Variants in KIF13B observed in about 807,000 individuals in gnomAD.
KIF13B encodes kinesin family member 13B, also known as kinesin-like protein KIF13B.
In KIF13B, 127 loss-of-function variants were observed where a neutral mutation model predicts 222.0. That is an observed-to-expected ratio of 0.57 (90% CI 0.50 to 0.66). KIF13B has a LOEUF of 0.66. Ranked by LOEUF, KIF13B falls within the 30% of genes least tolerant of loss-of-function variation. The pLI, the probability that KIF13B is intolerant of heterozygous loss-of-function variation, is 0.00. For synonymous variants in KIF13B, 976 were observed against 919.0 expected (o/e 1.06, Z -1.12); for missense variants, 2,173 against 2,379.0 (o/e 0.91, Z 1.80).
chr8:29,206,847 C>A (rs182455397), intron 2 of KIF13B, among the ~76,000 whole-genome samples: 3 of 151,356 alleles, frequency 2.0e-5, no homozygotes, highest in Non-Finnish European at 4.4e-5. Context: ...ATGGGGTTTG[C>A]GGAAGTGGAA....
chr8:29,236,952 T>G (rs1216171178), intron 2 of KIF13B, among the ~76,000 whole-genome samples: 1 of 152,098 alleles, frequency 6.6e-6, no homozygotes, highest in South Asian at 2.1e-4. Flanking sequence ...TATAGATACA[T>G]CATGTAAAAA....
chr8:29,103,824 C>G (rs1808916154), intron 35 of KIF13B, among the ~76,000 whole-genome samples: 1 of 152,034 alleles, frequency 6.6e-6, no homozygotes, highest in East Asian at 1.9e-4. Context: ...CTCGGGGACC[C>G]CAAGGAACCA....
At chr8:29,075,682 T>C (rs1807524469) in intron 37 of KIF13B, among the ~76,000 whole-genome samples, 2 of 152,136 alleles carry the variant, frequency 1.3e-5, no homozygotes, top group South Asian at 4.1e-4. Context: ...CAGAAAGACT[T>C]CCGGCAGGAG....
chr8:29,233,081 G>A (rs1815358008), intron 2 of KIF13B, among the ~76,000 whole-genome samples: 2 of 152,252 alleles, frequency 1.3e-5, no homozygotes, highest in African/African-American at 4.8e-5. Flanking sequence ...ACTTGAACCC[G>A]AGAGGTGGAG....
Position 29,177,575 on chromosome 8 carries a change from A to G in KIF13B, c.724T>C (p.Ser242Pro), listed in dbSNP as rs1812533598. The change falls in exon 9 of 40, where the codon TCT becomes CCT. Residue 242 changes from serine to proline, a missense_variant. Transcript: ENST00000524189. ...HTLYDVKSGTSGEKVGKLSLV... is the reference protein window; with the variant it reads ...HTLYDVKSGTPGEKVGKLSLV... ...CTGAGTTTGCCCACTTTCTCTCCAG[A>G]TGTCTACAAAGGAAATCAATCAATA... 6.2e-7 allele frequency: 1 copy of G among 1,606,350 alleles called. No individual in the cohort carries two copies. The highest frequency in any genetic ancestry group is 1.1e-5 in the South Asian group (1 of 90,928).
intron 18 of KIF13B, among the ~76,000 whole-genome samples, chr8:29,144,965 C>T (rs867032765): frequency 1.3e-5 from 2 of 152,148 alleles, no homozygotes; most frequent in East Asian, 1.9e-4. Context: ...AAAAGGGCTG[C>T]GGTCATGCTT....
intron 35 of KIF13B, among the ~76,000 whole-genome samples, chr8:29,102,500 G>A (rs974011562): frequency 6.6e-6 from 1 of 152,206 alleles, no homozygotes; most frequent in Admixed American, 6.5e-5. Context: ...CCATGCTCAG[G>A]GGCAAAGTGG....
intron 31 of KIF13B, among the ~76,000 whole-genome samples, chr8:29,115,140 G>C (rs1809533919): frequency 6.6e-6 from 1 of 151,990 alleles, no homozygotes; most frequent in Non-Finnish European, 1.5e-5. Flanking sequence ...TAATTTTTAG[G>C]GGTGGAGATT....
intron 12 of KIF13B, 82 bp downstream of exon 12, chr8:29,165,580 A>T: frequency 1.2e-6 from 1 of 843,632 alleles, no homozygotes; most frequent in Non-Finnish European, 2.0e-6. Flanking sequence ...GCTGAAGATC[A>T]AAAAGGAACC....
At chr8:29,153,815 AT>A in intron 14 of KIF13B, among the ~76,000 whole-genome samples, 1 of 152,290 alleles carries the variant, frequency 6.6e-6, no homozygotes, top group African/African-American at 2.4e-5. Context: ...TTACTCTGTA[AT>A]CCAAGCCCAG....
At chr8:29,095,417 G>A (rs1213747380) in intron 36 of KIF13B, among the ~76,000 whole-genome samples, 2 of 152,178 alleles carry the variant, frequency 1.3e-5, no homozygotes, top group Non-Finnish European at 2.9e-5. Context: ...ACAAAACAGT[G>A]AAATAAAGAT....
intron 21 of KIF13B, among the ~76,000 whole-genome samples, chr8:29,137,160 C>T (rs1810601304): frequency 6.6e-6 from 1 of 151,084 alleles, no homozygotes; most frequent in South Asian, 2.1e-4. Flanking sequence ...TAAATTCCAT[C>T]TGAAAACCTT....
intron 13 of KIF13B, among the ~76,000 whole-genome samples, chr8:29,156,211 T>G (rs908725432): frequency 6.6e-6 from 1 of 152,188 alleles, no homozygotes; most frequent in African/African-American, 2.4e-5. Flanking sequence ...CCTCAAGTGA[T>G]CCACCTGTCT....
At chr8:29,151,541 T>A (rs1012508905) in intron 14 of KIF13B, among the ~76,000 whole-genome samples, 1 of 152,248 alleles carries the variant, frequency 6.6e-6, no homozygotes, top group African/African-American at 2.4e-5. Context: ...TGCCAATGCT[T>A]ACTGACCATT....
intron 8 of KIF13B, among the ~76,000 whole-genome samples, chr8:29,178,422 T>C (rs1812572087): frequency 1.3e-5 from 2 of 152,154 alleles, no homozygotes. Context: ...TAAGATATTA[T>C]ATACATACAG....
chr8:29,153,803 T>A (rs1193702807), intron 14 of KIF13B, among the ~76,000 whole-genome samples: 1 of 152,178 alleles, frequency 6.6e-6, no homozygotes, highest in African/African-American at 2.4e-5. Context: ...ATCCTCCTAC[T>A]CTTACTCTGT....
chr8:29,221,291 C>T (rs1227108096), intron 2 of KIF13B, among the ~76,000 whole-genome samples: 2 of 151,218 alleles, frequency 1.3e-5, no homozygotes, highest in Non-Finnish European at 3.0e-5. Context: ...TTAGTGGAGG[C>T]GGGGTTTTGC....
At position 29,070,523 on chromosome 8, in the gene KIF13B, C is replaced by T. The variant is rs565579653; in HGVS notation, c.5462G>A (p.Arg1821Gln). The T allele has an allele frequency of 9.0e-4, 1,444 of 1,610,756 alleles. 19 individuals carry two copies. The South Asian group carries it at 0.014, about 15-fold the overall frequency. Residue 1821 changes from arginine to glutamine, a missense_variant, in exon 40 of 40, where the codon CGG becomes CAG. Arg to Gln is a conservative substitution (Grantham distance 43). Coordinates refer to ENST00000524189, the MANE Select transcript of KIF13B (RefSeq NM_015254.4). This position sits in a 1 kb window ranked among gnomAD's most constrained non-coding sequence, Gnocchi z 4.1. ...ADRSHKNPEN[R>Q]KSWAS Reference sequence around the variant, plus strand: ...AGCGGCTCAGCTGGCCCAGGATTTCCGGTTCTCAGGGTTCTTGTGGCTCCT... The same window carrying T: ...AGCGGCTCAGCTGGCCCAGGATTTCTGGTTCTCAGGGTTCTTGTGGCTCCT...
In KIF13B at chr8:29,155,848, T is replaced by C; in HGVS notation, c.1413A>G (p.Thr471=). Residue 471 remains threonine, a synonymous_variant, in exon 14 of 40, where the codon ACA becomes ACG. Coordinates refer to ENST00000524189, the MANE Select transcript of KIF13B (RefSeq NM_015254.4). ...CTTGGGAATTTGCTGACCCTATCAA[T>C]GTATGTTCCTAAGAAAAAACCAAAT... The part of the protein sequence containing the change: ...ELLVYYLKEH[T]LIGSANSQDI... 1.3e-6 allele frequency: 2 copies of C among 1,573,684 alleles called. No individual in the cohort carries two copies. The highest frequency in any genetic ancestry group is 1.3e-5 in the African/African-American group (1 of 74,418).
Sources: gnomAD v4.1 joint callset for allele counts (sites outside exome capture counted in the v4.1 genomes callset) on GRCh38, gnomAD v4.1.1 for gene constraint, Gnocchi (gnomAD v3.1) non-coding constraint, MANE v1.5 for transcripts, NCBI Gene and HGNC (gene_info 2026-07-23, HGNC 2026-07-21) for gene names.